NIBAN1: variants seen among roughly 807,000 people sequenced by gnomAD.
NIBAN1 encodes protein Niban 1.
In NIBAN1, 81 loss-of-function variants were observed where a neutral mutation model predicts 75.1. That is an observed-to-expected ratio of 1.08 (90% CI 0.90 to 1.30). The LOEUF (loss-of-function observed/expected upper bound fraction) is 1.30, where lower values mean the gene tolerates loss of function less well. Among genes scored for constraint, NIBAN1 ranks in the 50% most tolerant of loss-of-function variants. The probability of loss-of-function intolerance (pLI) is 0.00; values close to 1 mark genes in which losing one functional copy is unlikely to be tolerated. For synonymous variants in NIBAN1, 436 were observed against 424.8 expected, an observed-to-expected ratio of 1.03 and a Z score of -0.32; for missense variants, 1,133 against 1,128.1, an observed-to-expected ratio of 1.00 and a Z score of -0.06.
chr1:184,896,975 G>A (rs574471155), intron 2 of NIBAN1, among the ~76,000 whole-genome samples: 1 of 152,242 alleles, frequency 6.6e-6, no homozygotes, highest in Non-Finnish European at 1.5e-5. Flanking sequence ...GTCAGGCAAT[G>A]TGATGTCTCC....
chr1:184,969,926 G>A (rs570402693), intron 1 of NIBAN1, among the ~76,000 whole-genome samples: 5 of 152,118 alleles, frequency 3.3e-5, no homozygotes, highest in East Asian at 3.9e-4. Context: ...AGAACTTTAG[G>A]AGGCCAAGGC....
chr1:184,818,613 C>G, intron 9 of NIBAN1, 25 bp downstream of exon 9: 1 of 1,545,694 alleles, frequency 6.5e-7, no homozygotes, highest in Non-Finnish European at 8.8e-7. Context: ...CCATTCACAC[C>G]CAGCTCCTCA....
intron 6 of NIBAN1, among the ~76,000 whole-genome samples, chr1:184,824,675 T>C (rs924021943): frequency 3.9e-5 from 6 of 152,174 alleles, no homozygotes; most frequent in Non-Finnish European, 7.3e-5. Context: ...CTGGTAACCA[T>C]ACAATTGGAA....
chr1:184,907,357 A>G (rs1263658632), intron 1 of NIBAN1, among the ~76,000 whole-genome samples: 1 of 152,210 alleles, frequency 6.6e-6, no homozygotes, highest in Non-Finnish European at 1.5e-5. Context: ...CACATATGAG[A>G]AGATTAATCA....
Position 184,948,293 on chromosome 1 carries a change from T to G in NIBAN1, c.55+26009A>C, listed in dbSNP as rs1000014237. 3.9e-5 allele frequency among the ~76,000 whole-genome samples: 6 copies of G among 152,152 alleles called. 1 individual carries two copies. Among genetic ancestry groups the G allele is most frequent in the Admixed American group, 3.3e-4 (5 of 15,278 alleles). ...CCTGTTCAAAGCATATATGTATTCATTTATTCATTCATGCCACAAGCAAGT... is the reference window on the plus strand; with the variant it reads ...CCTGTTCAAAGCATATATGTATTCAGTTATTCATTCATGCCACAAGCAAGT... On this transcript the variant is annotated intron_variant, in intron 1 of 13. Coordinates refer to ENST00000367511, the MANE Select transcript of NIBAN1 (RefSeq NM_052966.4).
chr1:184,805,776 T>C (rs1036237402), intron 11 of NIBAN1, 170 bp downstream of exon 11: 16 of 608,038 alleles, frequency 2.6e-5, no homozygotes, highest in Non-Finnish European at 4.4e-5. Flanking sequence ...AGAAGAGGCA[T>C]GGAAGTCACA....
At chr1:184,851,833 C>T (rs888757264) in intron 5 of NIBAN1, among the ~76,000 whole-genome samples, 1 of 127,410 alleles carries the variant, frequency 7.8e-6, no homozygotes, top group East Asian at 2.2e-4. Flanking sequence ...ACAGGCTGAT[C>T]TAACGACTTT....
At chr1:184,881,221 G>A (rs1246499705) in intron 5 of NIBAN1, among the ~76,000 whole-genome samples, 3 of 152,036 alleles carry the variant, frequency 2.0e-5, no homozygotes, top group African/African-American at 4.8e-5. Context: ...CTCTCTACTG[G>A]CCCTTACCTA....
chr1:184,886,320 T>C (rs1204523504), intron 4 of NIBAN1, among the ~76,000 whole-genome samples: 1 of 152,158 alleles, frequency 6.6e-6, no homozygotes, highest in Non-Finnish European at 1.5e-5. Flanking sequence ...TCCCGTGCTG[T>C]TCCCCTCCGC....
At chr1:184,913,696 A>T (rs893493367) in intron 1 of NIBAN1, among the ~76,000 whole-genome samples, 1 of 152,244 alleles carries the variant, frequency 6.6e-6, no homozygotes, top group African/African-American at 2.4e-5. Flanking sequence ...GCAAGATAAA[A>T]GTACTCCAGA....
At chr1:184,955,070 G>A (rs138695222) in intron 1 of NIBAN1, among the ~76,000 whole-genome samples, 4 of 152,130 alleles carry the variant, frequency 2.6e-5, no homozygotes, top group African/African-American at 7.2e-5. Flanking sequence ...CCCAATCATA[G>A]GGCCAAAATT....
intron 1 of NIBAN1, among the ~76,000 whole-genome samples, chr1:184,969,628 C>A (rs1658883366): frequency 6.6e-6 from 1 of 152,058 alleles, no homozygotes; most frequent in African/African-American, 2.4e-5. Context: ...TCAGCAGCCA[C>A]CTTTCAGGGA....
chr1:184,832,765 A>G (rs1210784953), intron 5 of NIBAN1, among the ~76,000 whole-genome samples: 2 of 152,188 alleles, frequency 1.3e-5, no homozygotes, highest in Non-Finnish European at 2.9e-5. Flanking sequence ...TCCTACCACA[A>G]GGAATGAATA....
chr1:184,863,748 C>T (rs989178280), intron 5 of NIBAN1, among the ~76,000 whole-genome samples: 1 of 152,154 alleles, frequency 6.6e-6, no homozygotes, highest in African/African-American at 2.4e-5. Flanking sequence ...ACTGGACATA[C>T]TCTAGTATGA....
intron 8 of NIBAN1, chr1:184,821,614 G>C (rs2102220368): frequency 1.3e-5 from 2 of 152,284 alleles, no homozygotes; most frequent in East Asian, 3.9e-4. Flanking sequence ...AGAGATTTAA[G>C]CAAAGGATGA....
chr1:184,808,252 G>T lies in NIBAN1; in HGVS notation c.1174-17C>A. ...GTCTAGATGCTGCATTTTGGTGAAG[G>T]GAAACATTAAACACCCTCAGAATGA... On this transcript the variant is annotated splice_polypyrimidine_tract_variant and intron_variant, in intron 9 of 13. Transcript: ENST00000367511. The T allele has an allele frequency of 6.2e-7, 1 of 1,612,100 alleles. No homozygotes were observed. Among genetic ancestry groups the T allele is most frequent in the Non-Finnish European group, 8.5e-7 (1 of 1,178,644 alleles).
rs185689939 is a variant in NIBAN1 at position 184,822,344 on chromosome 1, T to C, written c.985+823A>G. Reference sequence around the variant, plus strand: ...TCTTGTATGGGAATAGGCAAACTGTTTTCTGTAAAGGACCAAATAGTAAAT... The same window carrying C: ...TCTTGTATGGGAATAGGCAAACTGTCTTCTGTAAAGGACCAAATAGTAAAT... On this transcript the variant is annotated intron_variant, in intron 8 of 13. Transcript: ENST00000367511. Among the ~76,000 whole-genome samples, 6 of 152,306 alleles carry C rather than the reference T, an allele frequency of 3.9e-5. No individual in the cohort carries two copies. The East Asian group carries it at 1.2e-3, about 29-fold the overall frequency.
intron 1 of NIBAN1, among the ~76,000 whole-genome samples, chr1:184,950,539 A>G (rs1287478284): frequency 6.6e-6 from 1 of 152,224 alleles, no homozygotes; most frequent in Admixed American, 6.5e-5. Context: ...CCCAAGAACA[A>G]TAAAGATATC....
chr1:184,833,635 G>A (rs1400037310), intron 5 of NIBAN1, among the ~76,000 whole-genome samples: 4 of 152,100 alleles, frequency 2.6e-5, no homozygotes, highest in African/African-American at 9.7e-5. Flanking sequence ...CCAGGAGTTT[G>A]AGGCTGCAGT....
Sources: gnomAD v4.1 joint callset for allele counts (sites outside exome capture counted in the v4.1 genomes callset) on GRCh38, gnomAD v4.1.1 for gene constraint, MANE v1.5 for transcripts, NCBI Gene and HGNC (gene_info 2026-07-23, HGNC 2026-07-21) for gene names.